The following ODF2 variants were observed in gnomAD, a reference collection of about 807,000 sequenced individuals.
ODF2 encodes the protein outer dense fiber protein 2.
In ODF2, 47 loss-of-function variants were observed where a neutral mutation model predicts 110.2. The ratio of observed to expected loss-of-function variants is 0.43; its 90% CI spans 0.34 to 0.54. The LOEUF (loss-of-function observed/expected upper bound fraction) is 0.54. ODF2 is among the 20% of genes least tolerant of loss of function. The pLI, the probability that ODF2 is intolerant of heterozygous loss-of-function variation, is 0.03. For synonymous variants in ODF2, 352 were observed against 397.7 expected (o/e 0.89, Z 1.37); for missense variants, 812 against 1,054.5 (o/e 0.77, Z 3.19).
intron 8 of ODF2, among the ~76,000 whole-genome samples, chr9:128,475,030 G>C (rs1840963803): frequency 6.6e-6 from 1 of 152,098 alleles, no homozygotes; most frequent in Non-Finnish European, 1.5e-5. Context: ...GTATCTGTGG[G>C]TTCTGCATTC....
chr9:128,458,326 C>T (rs1018573300), intron 2 of ODF2, among the ~76,000 whole-genome samples: 1 of 152,194 alleles, frequency 6.6e-6, no homozygotes, highest in East Asian at 1.9e-4. Context: ...TGGTGGCACA[C>T]GCCTGTAATC....
intron 20 of ODF2, 135 bp from the exon 21 acceptor site, chr9:128,499,932 C>A (rs1846271900): frequency 1.3e-6 from 1 of 785,304 alleles, no homozygotes; most frequent in Admixed American, 2.7e-5. Flanking sequence ...CAGAAAGAAA[C>A]CCCATACCCA....
At chr9:128,491,639 G>A (rs1033250896) in intron 14 of ODF2, among the ~76,000 whole-genome samples, 6 of 151,694 alleles carry the variant, frequency 4.0e-5, no homozygotes, top group African/African-American at 1.5e-4. Context: ...ACTCCAGCCT[G>A]GGTGACAGAG....
At chr9:128,464,531 G>A (rs1314880320) in intron 4 of ODF2, among the ~76,000 whole-genome samples, 2 of 151,900 alleles carry the variant, frequency 1.3e-5, no homozygotes, top group East Asian at 1.9e-4. Flanking sequence ...ACGGAGTCTT[G>A]TTCTGTTGCC....
intron 14 of ODF2, among the ~76,000 whole-genome samples, chr9:128,491,600 G>T (rs537423133): frequency 2.0e-5 from 3 of 151,758 alleles, no homozygotes; most frequent in African/African-American, 7.2e-5. Flanking sequence ...GGAGGTGGAG[G>T]TTGCATTGAG....
At chr9:128,461,326 A>G (rs1836386143) in intron 4 of ODF2, 2 of 473,688 alleles carry the variant, frequency 4.2e-6, no homozygotes. Flanking sequence ...GTCACAGAGA[A>G]GTTAGCAGAG....
intron 14 of ODF2, among the ~76,000 whole-genome samples, chr9:128,491,581 T>C (rs1844560219): frequency 6.6e-6 from 1 of 151,670 alleles, no homozygotes; most frequent in South Asian, 2.1e-4. Flanking sequence ...GGAGAATAGC[T>C]TGAACCTGGG....
chr9:128,471,620 G>A, intron 6 of ODF2, 152 bp downstream of exon 6: 1 of 643,900 alleles, frequency 1.6e-6, no homozygotes, highest in Non-Finnish European at 2.6e-6. Flanking sequence ...ATTAATTACA[G>A]TTAATTACCT....
chr9:128,464,695 TTTTTTTTTTTTTTTG>T, intron 4 of ODF2, among the ~76,000 whole-genome samples: 1 of 64 alleles, frequency 0.016, no homozygotes, highest in African/African-American at 0.018. Flanking sequence ...TTTTTTTTTT[TTTTTTTTTTTTTTTG>T]AGACGGAGTC....
At chr9:128,460,873 G>C in intron 3 of ODF2, 69 bp from the exon 4 acceptor site, 1 of 1,601,842 alleles carries the variant, frequency 6.2e-7, no homozygotes, top group Non-Finnish European at 8.5e-7. Flanking sequence ...AGTCGGAGAG[G>C]GATGTCACTA....
chr9:128,479,427 T>A (rs1588887286), intron 8 of ODF2, among the ~76,000 whole-genome samples: 1 of 152,154 alleles, frequency 6.6e-6, no homozygotes, highest in East Asian at 1.9e-4. Flanking sequence ...ATTAGAGAAG[T>A]GCAAATGAAA....
chr9:128,489,593 G>T (rs150331925), intron 14 of ODF2, among the ~76,000 whole-genome samples: 19 of 152,292 alleles, frequency 1.2e-4, no homozygotes, highest in Non-Finnish European at 2.5e-4. Context: ...GCGCTCTAGG[G>T]TATGTCGTTA....
At chr9:128,484,373 CCTCT>C (rs1842982833) in intron 11 of ODF2, among the ~76,000 whole-genome samples, 2 of 152,108 alleles carry the variant, frequency 1.3e-5, no homozygotes, top group Admixed American at 6.6e-5. Flanking sequence ...GCCCAGGGGT[CCTCT>C]GAGGTCATAC....
intron 1 of ODF2, chr9:128,456,761 G>C (rs969750762): frequency 1.0e-5 from 10 of 965,268 alleles, no homozygotes; most frequent in Non-Finnish European, 1.2e-5. Context: ...CGCCCGGCGG[G>C]GGGGGGTCCC....
chr9:128,466,464 CT>C (rs776910234), intron 4 of ODF2, among the ~76,000 whole-genome samples: 908 of 12,040 alleles, frequency 0.075, 7 homozygotes, highest in Non-Finnish European at 0.14. Context: ...GAGACCCCAT[CT>C]CAAAAAAAAA....
At chr9:128,477,330 C>A (rs1235848674) in intron 8 of ODF2, among the ~76,000 whole-genome samples, 1 of 151,940 alleles carries the variant, frequency 6.6e-6, no homozygotes. Context: ...GGGAGAATTG[C>A]TTGAGGCCAG....
At chr9:128,467,432 T>C (rs996603417) in intron 4 of ODF2, among the ~76,000 whole-genome samples, 1 of 152,124 alleles carries the variant, frequency 6.6e-6, no homozygotes, top group African/African-American at 2.4e-5. Flanking sequence ...GTATTAAAAG[T>C]AACTTCTTTT....
chr9:128,483,877 C>A, intron 10 of ODF2, 61 bp from the exon 11 acceptor site: 1 of 1,168,770 alleles, frequency 8.6e-7, no homozygotes, highest in Non-Finnish European at 1.3e-6. Context: ...CGGAGCAAGA[C>A]TCCGTATGAA....
chr9:128,458,760 G>C (rs1249428824), intron 2 of ODF2, among the ~76,000 whole-genome samples: 1 of 151,964 alleles, frequency 6.6e-6, no homozygotes. Context: ...TCTCTTAGGG[G>C]AATATTTGAG....
Sources: allele counts gnomAD v4.1 joint callset (sites outside exome capture counted in the v4.1 genomes callset), GRCh38; gene constraint gnomAD v4.1.1; transcripts MANE v1.5; gene names NCBI Gene and HGNC (gene_info 2026-07-23, HGNC 2026-07-21).